The following ASH1L variants were observed in gnomAD, a reference collection of about 807,000 sequenced individuals.
The protein encoded by ASH1L is ASH1 like histone lysine methyltransferase, also known as histone-lysine N-methyltransferase ASH1L.
Under a neutral mutation model 269.0 loss-of-function variants are expected in ASH1L, and 23 were observed. The observed-to-expected ratio is 0.09, with a 90% CI of 0.06 to 0.12. ASH1L has a LOEUF of 0.12. ASH1L is among the 10% of genes least tolerant of loss of function. The pLI is 1.00. For missense variants in ASH1L, 2,912 were observed against 3,567.8 expected, an observed-to-expected ratio of 0.82 and a Z score of 4.68; for synonymous variants, 1,187 against 1,253.5, an observed-to-expected ratio of 0.95 and a Z score of 1.12.
chr1:155,430,224 CCT>C (rs1661500443), intron 5 of ASH1L, among the ~76,000 whole-genome samples: 1 of 152,112 alleles, frequency 6.6e-6, no homozygotes, highest in Non-Finnish European at 1.5e-5. Context: ...AATACTCCTG[CCT>C]CTGCCTCCCA....
chr1:155,388,647 C>T (rs1657640036), intron 7 of ASH1L, among the ~76,000 whole-genome samples: 1 of 151,408 alleles, frequency 6.6e-6, no homozygotes, highest in Non-Finnish European at 1.5e-5. Context: ...AATACAACCC[C>T]AGCCTTTCTC....
intron 1 of ASH1L, among the ~76,000 whole-genome samples, chr1:155,557,270 A>ATT (rs58594125): frequency 1.3e-5 from 2 of 149,208 alleles, no homozygotes; most frequent in African/African-American, 4.9e-5. Flanking sequence ...TTATTTATTT[A>ATT]TTTTTTTTTT....
At position 155,378,392 on chromosome 1, in the gene ASH1L, T is replaced by A. The variant is rs761205544; in HGVS notation, c.6224-3A>T. The stretch of plus-strand genomic sequence containing the variant: ...GGGTTTGACATCAACGTAGACATCT[T>A]GAAAAGAAAGCAAAGAATAGTTTGT... On this transcript the variant is annotated splice_polypyrimidine_tract_variant and splice_region_variant and intron_variant, in intron 9 of 27. Coordinates refer to ENST00000392403, the MANE Select transcript of ASH1L (RefSeq NM_018489.3). 19 of 1,613,706 alleles carry A rather than the reference T, an allele frequency of 1.2e-5. No individual in the cohort carries two copies. The East Asian group carries it at 2.7e-4, about 23-fold the overall frequency.
At chr1:155,387,384 T>C (rs1657524633) in intron 7 of ASH1L, among the ~76,000 whole-genome samples, 1 of 152,226 alleles carries the variant, frequency 6.6e-6, no homozygotes, top group South Asian at 2.1e-4. Context: ...ATTTACTGAA[T>C]AGGGAATCCT....
intron 3 of ASH1L, among the ~76,000 whole-genome samples, chr1:155,474,296 G>A (rs1665359826): frequency 6.6e-6 from 1 of 152,074 alleles, no homozygotes; most frequent in Admixed American, 6.5e-5. Flanking sequence ...AATACTCAGA[G>A]GAAATGCTCT....
chr1:155,353,733 A>G (rs1654123776), intron 16 of ASH1L, among the ~76,000 whole-genome samples: 1 of 152,054 alleles, frequency 6.6e-6, no homozygotes. Context: ...ACTGAATCTG[A>G]ATGTGAGAAA....
At chr1:155,457,750 C>A (rs1353511180) in intron 4 of ASH1L, among the ~76,000 whole-genome samples, 3 of 152,192 alleles carry the variant, frequency 2.0e-5, no homozygotes, top group African/African-American at 4.8e-5. Flanking sequence ...CAACAGAAAT[C>A]TAATTCAATG....
At chr1:155,458,358 C>G (rs1268020041) in intron 4 of ASH1L, among the ~76,000 whole-genome samples, 1 of 152,210 alleles carries the variant, frequency 6.6e-6, no homozygotes, top group African/African-American at 2.4e-5. Flanking sequence ...GTTTCCACAA[C>G]TTCCAACTGT....
At chr1:155,403,006 G>A (rs1409971266) in intron 6 of ASH1L, among the ~76,000 whole-genome samples, 3 of 149,964 alleles carry the variant, frequency 2.0e-5, no homozygotes, top group Non-Finnish European at 4.4e-5. Context: ...GGTGAAACCC[G>A]TCTCTACTAA....
intron 1 of ASH1L, among the ~76,000 whole-genome samples, chr1:155,527,507 T>C (rs1328289512): frequency 6.7e-6 from 1 of 149,504 alleles, no homozygotes; most frequent in African/African-American, 2.5e-5. Context: ...GCTCCCTCGC[T>C]ACCTCACTTG....
chr1:155,473,081 G>A (rs1665230939), intron 3 of ASH1L, among the ~76,000 whole-genome samples: 1 of 152,148 alleles, frequency 6.6e-6, no homozygotes, highest in African/African-American at 2.4e-5. Context: ...AATGATACCA[G>A]AATATGGAAG....
chr1:155,491,739 G>A (rs538552490), intron 2 of ASH1L, among the ~76,000 whole-genome samples: 19 of 151,650 alleles, frequency 1.3e-4, no homozygotes, highest in Admixed American at 9.9e-4. Context: ...GCTCAACCTC[G>A]GCTCACTGCA....
chr1:155,531,710 C>T lies in ASH1L; in HGVS notation c.-99-10092G>A, dbSNP rs563615133. Among the ~76,000 whole-genome samples, 8 of 152,042 alleles carry T rather than the reference C, an allele frequency of 5.3e-5. No individual in the cohort carries two copies. The South Asian group carries it at 6.2e-4, about 12-fold the overall frequency. ...TCCCTAACATGATCAAGGAGAAAAA[C>T]GAACAGTATGCTTACAGGCATATTT... On this transcript the variant is annotated intron_variant, in intron 1 of 27. Transcript: ENST00000392403.
intron 7 of ASH1L, among the ~76,000 whole-genome samples, chr1:155,382,758 C>T (rs1246740952): frequency 1.3e-5 from 2 of 151,742 alleles, no homozygotes; most frequent in Non-Finnish European, 2.9e-5. Flanking sequence ...CAGTGTCTCG[C>T]TCTGTCACCC....
intron 5 of ASH1L, among the ~76,000 whole-genome samples, chr1:155,428,328 C>A (rs778982951): frequency 1.4e-5 from 2 of 138,738 alleles, no homozygotes; most frequent in Non-Finnish European, 3.1e-5. Context: ...CTAATCCCAG[C>A]TACTCGGGAG....
intron 1 of ASH1L, among the ~76,000 whole-genome samples, chr1:155,557,562 G>A (rs1671686550): frequency 6.6e-6 from 1 of 151,920 alleles, no homozygotes; most frequent in Admixed American, 6.6e-5. Context: ...TTACAGGTGT[G>A]AGCCACCACG....
rs776674706 is a variant in ASH1L at position 155,480,164 on chromosome 1, C to T, written c.2706G>A (p.Lys902=). Residue 902 remains lysine, a synonymous_variant, in exon 3 of 28, where the codon AAG becomes AAA. Coordinates refer to ENST00000392403, the MANE Select transcript of ASH1L (RefSeq NM_018489.3). ...CCACTGACAGTACAGGTGGCTTCAT[C>T]TTGACTGGTGACCTCATTTGCCTCT... ...RPKRQMRSPV[K]MKPPVLSVAP... 1.2e-6 allele frequency: 2 copies of T among 1,614,132 alleles called. No homozygotes were observed. The highest frequency in any genetic ancestry group is 1.1e-5 in the South Asian group (1 of 91,088).
intron 12 of ASH1L, among the ~76,000 whole-genome samples, chr1:155,367,385 C>T (rs1303555807): frequency 6.6e-6 from 1 of 152,156 alleles, no homozygotes; most frequent in Non-Finnish European, 1.5e-5. Flanking sequence ...GACCATCTTT[C>T]CATTAATCTT....
chr1:155,366,887 G>A (rs1444182505), intron 12 of ASH1L, among the ~76,000 whole-genome samples: 1 of 152,046 alleles, frequency 6.6e-6, no homozygotes, highest in Non-Finnish European at 1.5e-5. Context: ...TGTTGGCTAG[G>A]GTGGTCTCGA....
Sources: allele counts gnomAD v4.1 joint callset (sites outside exome capture counted in the v4.1 genomes callset), GRCh38; gene constraint gnomAD v4.1.1; transcripts MANE v1.5; gene names NCBI Gene and HGNC (gene_info 2026-07-23, HGNC 2026-07-21).